TSHZ2: variants seen among roughly 807,000 people sequenced by gnomAD.
TSHZ2 encodes teashirt zinc finger homeobox 2.
In TSHZ2, 21 loss-of-function variants were observed where a neutral mutation model predicts 74.4. That is an observed-to-expected ratio of 0.28 (90% CI 0.20 to 0.41). The LOEUF (loss-of-function observed/expected upper bound fraction) is 0.41. Among genes scored for constraint, TSHZ2 ranks in the 10% least tolerant of loss-of-function variants. TSHZ2 has a pLI of 1.00. For missense variants in TSHZ2, 1,244 were observed against 1,293.5 expected, an observed-to-expected ratio of 0.96 and a Z score of 0.59; for synonymous variants, 540 against 515.3, an observed-to-expected ratio of 1.05 and a Z score of -0.65.
chr20:53,178,975 G>T (rs572730289), intron 1 of TSHZ2: 1 of 152,288 alleles, frequency 6.6e-6, no homozygotes, highest in East Asian at 1.9e-4. Flanking sequence ...ATCCACTCAT[G>T]CGAAACATAA....
At chr20:53,330,718 T>C (rs762717565) in intron 2 of TSHZ2, among the ~76,000 whole-genome samples, 1 of 152,212 alleles carries the variant, frequency 6.6e-6, no homozygotes, top group African/African-American at 2.4e-5. Flanking sequence ...GTGCATGAAA[T>C]GTGACCAGGG....
At chr20:53,008,427 A>T (rs1407093402) in intron 1 of TSHZ2, among the ~76,000 whole-genome samples, 1 of 152,128 alleles carries the variant, frequency 6.6e-6, no homozygotes, top group Non-Finnish European at 1.5e-5. Context: ...CAGTGGGAGG[A>T]GGCATTTGAT....
rs892722306 is a variant in TSHZ2, at chr20:53,080,535, A to G, written c.40+107202A>G. 2.6e-5 allele frequency among the ~76,000 whole-genome samples: 4 copies of G among 152,122 alleles called. 1 individual carries two copies. Among genetic ancestry groups the G allele is most frequent in the East Asian group, 3.9e-4 (2 of 5,186 alleles). On this transcript the variant is annotated intron_variant, in intron 1 of 2. Transcript: ENST00000371497. ...TTTTCCACGGACAAAGGTAGGGGAG[A>G]TGGATGGTTTCAGGATGAAAGTCTT...
intron 1 of TSHZ2, among the ~76,000 whole-genome samples, chr20:53,036,696 A>G (rs1983831966): frequency 6.9e-6 from 1 of 144,214 alleles, no homozygotes; most frequent in Non-Finnish European, 1.5e-5. Context: ...TGTATGTATT[A>G]CTATGTATAT....
At chr20:53,340,218 T>G (rs1980138763) in intron 2 of TSHZ2, among the ~76,000 whole-genome samples, 1 of 118,424 alleles carries the variant, frequency 8.4e-6, no homozygotes, top group Non-Finnish European at 1.7e-5. Flanking sequence ...AGTCTCGCTC[T>G]GTCACCCAGG....
chr20:53,444,202 T>G (rs531135166), intron 2 of TSHZ2, among the ~76,000 whole-genome samples: 1 of 152,310 alleles, frequency 6.6e-6, no homozygotes, highest in African/African-American at 2.4e-5. Context: ...CATCTTCCAT[T>G]CTGAGCTCTG....
rs114116163 is a variant in TSHZ2, at chr20:53,325,506, C to T, written c.*8+68935C>T. Among the ~76,000 whole-genome samples the T allele has an allele frequency of 8.0e-3, 1,211 of 152,282 alleles. 17 individuals are homozygous for T. Among genetic ancestry groups the T allele is most frequent in the African/African-American group, 0.028 (1,146 of 41,556 alleles). On this transcript the variant is annotated intron_variant, in intron 2 of 2. Coordinates refer to ENST00000371497, the MANE Select transcript of TSHZ2 (RefSeq NM_173485.6). ...CCTTCCAGTGAAACACAGGGCAGTT[C>T]AGCTCAGGGAGAGTCACTCCTCCCC... is the stretch of plus-strand genomic sequence containing the variant.
chr20:53,334,030 G>A lies in TSHZ2; in HGVS notation c.*8+77459G>A, dbSNP rs142487786. 6.8e-4 allele frequency among the ~76,000 whole-genome samples: 103 copies of A among 152,300 alleles called. No individual in the cohort carries two copies. The Middle Eastern group carries it at 0.01, about 15-fold the overall frequency. The stretch of plus-strand genomic sequence containing the variant: ...AGTGGCCAAAGTCTGTTGACTACAT[G>A]CAGATATTCCCACACATCAGAACAT... On this transcript the variant is annotated intron_variant, in intron 2 of 2. Transcript: ENST00000371497.
At chr20:53,017,118 T>C (rs1286262355) in intron 1 of TSHZ2, among the ~76,000 whole-genome samples, 1 of 152,214 alleles carries the variant, frequency 6.6e-6, no homozygotes, top group African/African-American at 2.4e-5. Context: ...ATTATTGAAG[T>C]TTGCCTATGT....
chr20:53,082,634 T>G (rs1249419136), intron 1 of TSHZ2, among the ~76,000 whole-genome samples: 1 of 152,334 alleles, frequency 6.6e-6, no homozygotes, highest in African/African-American at 2.4e-5. Flanking sequence ...TTCTGTGCCC[T>G]GGTGATTCCC....
At chr20:53,401,502 G>T (rs1982656661) in intron 2 of TSHZ2, among the ~76,000 whole-genome samples, 2 of 152,116 alleles carry the variant, frequency 1.3e-5, no homozygotes, top group African/African-American at 4.8e-5. Context: ...CACCTGAGCA[G>T]TGTACACTAT....
At chr20:53,284,438 C>T (rs1001893315) in intron 2 of TSHZ2, among the ~76,000 whole-genome samples, 1 of 152,176 alleles carries the variant, frequency 6.6e-6, no homozygotes, top group African/African-American at 2.4e-5. Flanking sequence ...GCAAATCTCC[C>T]GTCAATCTGT....
intron 2 of TSHZ2, among the ~76,000 whole-genome samples, chr20:53,458,008 G>C (rs1403370792): frequency 6.6e-6 from 1 of 151,814 alleles, no homozygotes; most frequent in East Asian, 1.9e-4. Flanking sequence ...AAGGATATTG[G>C]TCTAAAATTC....
chr20:53,320,336 T>C (rs1979207050), intron 2 of TSHZ2, among the ~76,000 whole-genome samples: 1 of 152,212 alleles, frequency 6.6e-6, no homozygotes, highest in East Asian at 1.9e-4. Flanking sequence ...ACTGAGGCAG[T>C]CTGGATCTGC....
intron 1 of TSHZ2, among the ~76,000 whole-genome samples, chr20:53,017,286 G>T (rs1169570715): frequency 1.3e-5 from 2 of 152,088 alleles, no homozygotes; most frequent in East Asian, 1.9e-4. Context: ...GAGCTGTTTT[G>T]ATCCCTAGTT....
At chr20:52,984,677 T>A (rs1454826036) in intron 1 of TSHZ2, among the ~76,000 whole-genome samples, 1 of 152,090 alleles carries the variant, frequency 6.6e-6, no homozygotes, top group Non-Finnish European at 1.5e-5. Context: ...TGACTTAGGT[T>A]TGATAGGCTC....
intron 2 of TSHZ2, among the ~76,000 whole-genome samples, chr20:53,444,443 A>T (rs1226559349): frequency 6.6e-6 from 1 of 152,142 alleles, no homozygotes; most frequent in Non-Finnish European, 1.5e-5. Context: ...CAAGAAAAGG[A>T]GAGAGTGAGT....
chr20:53,192,220 C>T (rs1988751904), intron 1 of TSHZ2, among the ~76,000 whole-genome samples: 1 of 151,258 alleles, frequency 6.6e-6, no homozygotes, highest in Non-Finnish European at 1.5e-5. Context: ...AAATAGACAT[C>T]AGCGAGATGC....
intron 1 of TSHZ2, among the ~76,000 whole-genome samples, chr20:53,109,839 C>G (rs1391717771): frequency 2.6e-5 from 4 of 152,144 alleles, no homozygotes; most frequent in Non-Finnish European, 5.9e-5. Flanking sequence ...TGTTCTTCCT[C>G]CAATGACCCA....
Sources: gnomAD v4.1 joint callset for allele counts (sites outside exome capture counted in the v4.1 genomes callset) on GRCh38, gnomAD v4.1.1 for gene constraint, MANE v1.5 for transcripts, NCBI Gene and HGNC (gene_info 2026-07-23, HGNC 2026-07-21) for gene names.